The following CPED1 variants were observed in gnomAD, a reference collection of about 807,000 sequenced individuals.
CPED1 encodes the protein cadherin-like and PC-esterase domain-containing protein 1.
In CPED1, 114 loss-of-function variants were observed where a neutral mutation model predicts 128.2. The ratio of observed to expected loss-of-function variants is 0.89; its 90% CI spans 0.76 to 1.04. The LOEUF is 1.04. Among genes scored for constraint, CPED1 ranks in the 50% least tolerant of loss-of-function variants. The pLI is 0.00. For missense variants in CPED1, 1,211 were observed against 1,207.1 expected (o/e 1.00, Z -0.05); for synonymous variants, 462 against 426.7 (o/e 1.08, Z -1.02).
intron 4 of CPED1, among the ~76,000 whole-genome samples, chr7:121,059,237 G>A (rs1167269370): frequency 6.6e-6 from 1 of 152,186 alleles, no homozygotes; most frequent in East Asian, 1.9e-4. Flanking sequence ...TAGTACATAG[G>A]AGTACTGAGA....
At chr7:121,197,141 A>C (rs917075154) in intron 16 of CPED1, among the ~76,000 whole-genome samples, 1 of 144,938 alleles carries the variant, frequency 6.9e-6, no homozygotes, top group Non-Finnish European at 1.5e-5. Flanking sequence ...TTTTTTCTAG[A>C]GAGGACCCAA....
intron 3 of CPED1, among the ~76,000 whole-genome samples, chr7:121,029,575 A>G (rs774070378): frequency 1.3e-5 from 2 of 152,174 alleles, no homozygotes; most frequent in South Asian, 4.1e-4. Flanking sequence ...ATCAGGAATA[A>G]TGAGGGTTTA....
At chr7:121,004,533 C>CTG (rs142360064) in intron 2 of CPED1, among the ~76,000 whole-genome samples, 10 of 151,708 alleles carry the variant, frequency 6.6e-5, no homozygotes, top group South Asian at 4.2e-4. Context: ...GAACTCTGGG[C>CTG]TGTGTGTGTG....
rs115535437 is a variant in CPED1, at chr7:121,059,419, G to T, written c.541-4819G>T. Among the ~76,000 whole-genome samples, 1,005 of 152,184 alleles carry T rather than the reference G, an allele frequency of 6.6e-3. 11 individuals carry two copies. Among genetic ancestry groups the T allele is most frequent in the African/African-American group, 0.023 (955 of 41,510 alleles). ...ATTGTGGATGATAATGAACAGCTTT[G>T]GGAGAAGTTCTAATTTTTGTTCAAG... On this transcript the variant is annotated intron_variant, in intron 4 of 22. Coordinates refer to ENST00000310396, the MANE Select transcript of CPED1 (RefSeq NM_024913.5).
chr7:121,261,372 A>ACT (rs1792012501), intron 18 of CPED1, among the ~76,000 whole-genome samples: 1 of 152,080 alleles, frequency 6.6e-6, no homozygotes, highest in Non-Finnish European at 1.5e-5. Context: ...ATAGGTGGAA[A>ACT]AATCTGAACA....
chr7:121,178,134 T>G (rs886472334), intron 16 of CPED1, among the ~76,000 whole-genome samples: 1 of 152,004 alleles, frequency 6.6e-6, no homozygotes, highest in Admixed American at 6.6e-5. Flanking sequence ...CCCTCACTTT[T>G]TGGCATGCAG....
At chr7:121,189,316 C>G (rs1185835060) in intron 16 of CPED1, among the ~76,000 whole-genome samples, 5 of 152,106 alleles carry the variant, frequency 3.3e-5, no homozygotes, top group African/African-American at 1.2e-4. Flanking sequence ...ACTGACAGTT[C>G]TGCAGGCTGT....
At chr7:121,277,123 T>C (rs1792345689) in intron 22 of CPED1, among the ~76,000 whole-genome samples, 1 of 152,042 alleles carries the variant, frequency 6.6e-6, no homozygotes, top group African/African-American at 2.4e-5. Flanking sequence ...AAGCCTGGTT[T>C]TAAAAAATGA....
At chr7:121,059,994 G>T (rs1031511477) in intron 4 of CPED1, among the ~76,000 whole-genome samples, 1 of 152,256 alleles carries the variant, frequency 6.6e-6, no homozygotes, top group African/African-American at 2.4e-5. Flanking sequence ...CGGGAACCCG[G>T]GCTGCGCGCG....
chr7:121,209,931 C>T (rs1189254887), intron 16 of CPED1, among the ~76,000 whole-genome samples: 1 of 151,748 alleles, frequency 6.6e-6, no homozygotes, highest in Non-Finnish European at 1.5e-5. Flanking sequence ...TCTAATCATC[C>T]AATTTAAAAA....
Position 121,258,460 on chromosome 7 carries a change from G to A in CPED1, c.2311-7767G>A, listed in dbSNP as rs150636503. 6.8e-3 allele frequency among the ~76,000 whole-genome samples: 1,032 copies of A among 152,214 alleles called. 9 individuals carry two copies. Among genetic ancestry groups the A allele is most frequent in the African/African-American group, 0.023 (944 of 41,560 alleles). ...AGAAGAAAATTGCCTAGGCAGAGTGGTGTTTGCAGTGAAAGGCAATCTATG... is the reference window on the plus strand; with the variant it reads ...AGAAGAAAATTGCCTAGGCAGAGTGATGTTTGCAGTGAAAGGCAATCTATG... On this transcript the variant is annotated intron_variant, in intron 18 of 22. Coordinates refer to ENST00000310396, the MANE Select transcript of CPED1 (RefSeq NM_024913.5).
chr7:121,040,123 C>T (rs767836198), intron 3 of CPED1, among the ~76,000 whole-genome samples: 1 of 152,046 alleles, frequency 6.6e-6, no homozygotes, highest in Non-Finnish European at 1.5e-5. Flanking sequence ...CCCTTAAAGG[C>T]TATGGAGCCA....
At chr7:121,223,169 C>T (rs1261091224) in intron 16 of CPED1, among the ~76,000 whole-genome samples, 2 of 151,992 alleles carry the variant, frequency 1.3e-5, no homozygotes, top group Admixed American at 1.3e-4. Context: ...GCATGAAGGG[C>T]TGTTGAATTT....
chr7:121,288,905 C>A (rs1167082089), intron 22 of CPED1, among the ~76,000 whole-genome samples: 1 of 152,156 alleles, frequency 6.6e-6, no homozygotes, highest in Non-Finnish European at 1.5e-5. Context: ...TAAATGTTTT[C>A]TTAAATAAAC....
At chr7:121,141,676 AT>A (rs1795906750) in intron 15 of CPED1, among the ~76,000 whole-genome samples, 2 of 152,050 alleles carry the variant, frequency 1.3e-5, no homozygotes, top group Admixed American at 6.6e-5. Flanking sequence ...AATGGGGACA[AT>A]CCTATTGTAT....
intron 9 of CPED1, 44 bp from the exon 10 acceptor site, chr7:121,127,046 G>A: frequency 7.1e-7 from 1 of 1,401,570 alleles, no homozygotes. Flanking sequence ...TGTCTTAAAA[G>A]TAAATCGATG....
At chr7:121,004,692 G>A (rs1791959362) in intron 2 of CPED1, among the ~76,000 whole-genome samples, 1 of 152,146 alleles carries the variant, frequency 6.6e-6, no homozygotes, top group Non-Finnish European at 1.5e-5. Context: ...GAGAATTAAA[G>A]CAAGGAATTC....
chr7:121,131,113 T>G (rs1219172464), intron 12 of CPED1, among the ~76,000 whole-genome samples: 1 of 152,158 alleles, frequency 6.6e-6, no homozygotes, highest in Non-Finnish European at 1.5e-5. Context: ...GCAGTCACCC[T>G]AGGCCATGGC....
In CPED1 at chr7:121,296,637, G is replaced by C. The variant is rs1461869350; in HGVS notation, c.*985G>C. On this transcript the variant is annotated 3_prime_UTR_variant, in exon 23 of 23. Coordinates refer to ENST00000310396, the MANE Select transcript of CPED1 (RefSeq NM_024913.5). The stretch of plus-strand genomic sequence containing the variant: ...AGTATCTATATTTTGATTTTCCTGA[G>C]CAACTGTATCAAATCCAAATTTAGA... 2 of 151,948 alleles carry C rather than the reference G, an allele frequency of 1.3e-5. No individual in the cohort carries two copies. Among genetic ancestry groups the C allele is most frequent in the Non-Finnish European group, 2.9e-5 (2 of 67,942 alleles). 9.4% of individuals were successfully genotyped at this position (151,948 alleles called of 1,614,324 possible).
Sources: allele counts gnomAD v4.1 joint callset (sites outside exome capture counted in the v4.1 genomes callset), GRCh38; gene constraint gnomAD v4.1.1; transcripts MANE v1.5; gene names NCBI Gene and HGNC (gene_info 2026-07-23, HGNC 2026-07-21).